The following FAM53B variants were observed in gnomAD, a reference collection of about 807,000 sequenced individuals.
The protein encoded by FAM53B is protein FAM53B.
In FAM53B, 12 loss-of-function variants were observed where a neutral mutation model predicts 32.7. The ratio of observed to expected loss-of-function variants is 0.37; its 90% confidence interval spans 0.24 to 0.59. The LOEUF (loss-of-function observed/expected upper bound fraction) is 0.59, where lower values mean the gene tolerates loss of function less well. FAM53B is among the 20% of genes least tolerant of loss of function. The pLI is 0.72. For missense variants in FAM53B, 477 were observed against 577.7 expected (o/e 0.83, Z 1.79); for synonymous variants, 234 against 228.7 (o/e 1.02, Z -0.21).
chr10:124,669,748 G>A (rs1384961865), intron 4 of FAM53B, among the ~76,000 whole-genome samples: 1 of 152,170 alleles, frequency 6.6e-6, no homozygotes, highest in African/African-American at 2.4e-5. Context: ...GGGCTGTCGG[G>A]GCCAAAGAGT....
In FAM53B at chr10:124,682,331, T is replaced by G. The variant is rs1462610160; in HGVS notation, c.182A>C (p.Asp61Ala). The change falls in exon 4 of 5, where the codon GAC (aspartate) becomes GCC (alanine). Residue 61 changes from aspartate (D) to alanine (A), a missense_variant. Physicochemically the swap from Asp to Ala is moderately radical, Grantham distance 126. Around this residue, in one of 2 missense-constraint regions of FAM53B, gnomAD observed 312 missense variants for 420.2 expected, o/e 0.74. Coordinates refer to ENST00000337318, the MANE Select transcript of FAM53B (RefSeq NM_014661.4). The surrounding 1 kb of genome is among the most constrained non-coding windows in gnomAD (Gnocchi z 5.2). Reference protein sequence around the residue: ...DLDRKCPLQIDQPSTSIWECL... With the variant: ...DLDRKCPLQIAQPSTSIWECL... ...TTCCCAGATGCTGGTGCTCGGTTGG[T>G]CAATCTGAAGAGGGCATTTCCTGTC... 2 of 1,613,438 alleles carry G rather than the reference T, an allele frequency of 1.2e-6. No homozygotes were observed. Among genetic ancestry groups the G allele is most frequent in the Non-Finnish European group, 1.7e-6 (2 of 1,179,858 alleles).
intron 4 of FAM53B, among the ~76,000 whole-genome samples, chr10:124,650,451 G>A (rs1589737779): frequency 6.6e-6 from 1 of 152,222 alleles, no homozygotes; most frequent in Non-Finnish European, 1.5e-5. Flanking sequence ...TGATGATGGT[G>A]ATGACAGCAG....
rs118049805 is a variant in FAM53B at position 124,680,950 on chromosome 10, C to T, written c.906+657G>A. Among the ~76,000 whole-genome samples, 83 of 152,278 alleles carry T rather than the reference C, an allele frequency of 5.5e-4. 2 individuals carry two copies. In the East Asian group the frequency reaches 0.016, roughly 29 times the overall value. On this transcript the variant is annotated intron_variant, in intron 4 of 4. Coordinates refer to ENST00000337318, the MANE Select transcript of FAM53B (RefSeq NM_014661.4). The stretch of plus-strand genomic sequence containing the variant: ...GTATTAACTCCAAGTTCATCTCATT[C>T]AAATCAATATCCAAGATCAGTGTTA...
intron 4 of FAM53B, among the ~76,000 whole-genome samples, chr10:124,636,951 G>A (rs1589732843): frequency 6.6e-6 from 1 of 152,062 alleles, no homozygotes. Context: ...TCTGGGGGGA[G>A]CGAGACTTCT....
chr10:124,656,239 A>G lies in FAM53B; in HGVS notation c.906+25368T>C, dbSNP rs189872727. On this transcript the variant is annotated intron_variant, in intron 4 of 4. Coordinates refer to ENST00000337318, the MANE Select transcript of FAM53B (RefSeq NM_014661.4). ...AACCAAGAGGCGTCTAGGTTTGCTC[A>G]CTTACAGCAGGCACTCCCACTGTGG... 2.7e-3 allele frequency among the ~76,000 whole-genome samples: 413 copies of G among 152,364 alleles called. 1 individual carries two copies. The highest frequency in any genetic ancestry group is 9.5e-3 in the African/African-American group (395 of 41,586).
chr10:124,714,768 A>AAC (rs1950029035), intron 1 of FAM53B, among the ~76,000 whole-genome samples: 1 of 151,912 alleles, frequency 6.6e-6, no homozygotes, highest in Non-Finnish European at 1.5e-5. Context: ...CAAAAAAAAA[A>AAC]AAAAAAAAAA....
intron 4 of FAM53B, among the ~76,000 whole-genome samples, chr10:124,627,840 C>T (rs1949365177): frequency 6.6e-6 from 1 of 152,204 alleles, no homozygotes; most frequent in African/African-American, 2.4e-5. Context: ...CAGCTTGGAG[C>T]AATGACCCCT....
At chr10:124,628,727 G>A (rs1486051179) in intron 4 of FAM53B, among the ~76,000 whole-genome samples, 5 of 152,186 alleles carry the variant, frequency 3.3e-5, no homozygotes, top group Non-Finnish European at 7.4e-5. Flanking sequence ...GGAGATCTAG[G>A]ATAGGAAGGA....
Position 124,623,035 on chromosome 10 carries a change from G to A in FAM53B, c.*207C>T, listed in dbSNP as rs984961853. ...TGGTGGCTGCCACGCTCGGGGAGCC[G>A]GTGAGAGGCTGACACACCCGCTGTA... On this transcript the variant is annotated 3_prime_UTR_variant, in exon 5 of 5. Coordinates refer to ENST00000337318, the MANE Select transcript of FAM53B (RefSeq NM_014661.4). 18 of 595,498 alleles carry A rather than the reference G, an allele frequency of 3.0e-5. No homozygotes were observed. Among genetic ancestry groups the A allele is most frequent in the African/African-American group, 9.5e-5 (5 of 52,614 alleles). 36.9% of individuals were successfully genotyped at this position (595,498 alleles called of 1,614,324 possible). A position where few individuals can be genotyped will look rare whatever the true frequency, so the allele number is the denominator to read the frequency against.
At chr10:124,687,252 G>A (rs978184425) in intron 3 of FAM53B, among the ~76,000 whole-genome samples, 3 of 152,078 alleles carry the variant, frequency 2.0e-5, no homozygotes, top group Admixed American at 6.6e-5. Flanking sequence ...AAAGGGCCTC[G>A]GTAGGCCTCC....
chr10:124,689,616 A>T (rs1467980821), intron 3 of FAM53B, among the ~76,000 whole-genome samples: 2 of 152,234 alleles, frequency 1.3e-5, no homozygotes, highest in Non-Finnish European at 2.9e-5. Context: ...CCAAGGAAGA[A>T]GGCAGGCGGG....
chr10:124,623,035 G>C lies in FAM53B; in HGVS notation c.*207C>G. ...TGGTGGCTGCCACGCTCGGGGAGCCGGTGAGAGGCTGACACACCCGCTGTA... is the reference window on the plus strand; with the variant it reads ...TGGTGGCTGCCACGCTCGGGGAGCCCGTGAGAGGCTGACACACCCGCTGTA... On this transcript the variant is annotated 3_prime_UTR_variant, in exon 5 of 5. Transcript: ENST00000337318. 4 of 595,616 alleles carry C rather than the reference G, an allele frequency of 6.7e-6. No individual in the cohort carries two copies. Among genetic ancestry groups the C allele is most frequent in the Non-Finnish European group, 1.1e-5 (4 of 353,104 alleles). 36.9% of individuals were successfully genotyped at this position (595,616 alleles called of 1,614,324 possible).
chr10:124,671,213 A>G, intron 4 of FAM53B: 1 of 453,690 alleles, frequency 2.2e-6, no homozygotes, highest in Non-Finnish European at 4.5e-6. Context: ...TGCATTTCCA[A>G]CATTCACAGA....
intron 2 of FAM53B, among the ~76,000 whole-genome samples, chr10:124,696,926 C>G (rs978729468): frequency 5.3e-5 from 8 of 152,206 alleles, no homozygotes; most frequent in Non-Finnish European, 7.3e-5. Flanking sequence ...CCCGCCTACC[C>G]TCAACTGAAT....
intron 4 of FAM53B, among the ~76,000 whole-genome samples, chr10:124,679,150 A>G (rs1949753641): frequency 6.6e-6 from 1 of 152,200 alleles, no homozygotes; most frequent in Admixed American, 6.5e-5. Context: ...AGCGGAAGGA[A>G]GCGTGGGCCA....
chr10:124,710,476 G>A (rs970489475), intron 1 of FAM53B, among the ~76,000 whole-genome samples: 5 of 152,228 alleles, frequency 3.3e-5, no homozygotes, highest in Non-Finnish European at 5.9e-5. Context: ...CCTATGACCC[G>A]TGGGCCCTGG....
chr10:124,625,433 T>C lies in FAM53B; in HGVS notation c.907-1829A>G, dbSNP rs538287192. The stretch of plus-strand genomic sequence containing the variant: ...AGCCACAGGTCCACCCTCTGGGCCA[T>C]GGTGGGATTCGATGCAGCCCGGTGG... On this transcript the variant is annotated intron_variant, in intron 4 of 4. Transcript: ENST00000337318. Among the ~76,000 whole-genome samples the C allele has an allele frequency of 2.6e-5, 4 of 152,268 alleles. No homozygotes were observed. In the South Asian group the frequency reaches 8.3e-4, roughly 32 times the overall value.
intron 4 of FAM53B, among the ~76,000 whole-genome samples, chr10:124,642,856 C>G (rs375757182): frequency 1.8e-4 from 28 of 152,328 alleles, no homozygotes; most frequent in African/African-American, 6.5e-4. Flanking sequence ...TCTGGCAGTC[C>G]GGCAAGACTG....
intron 4 of FAM53B, among the ~76,000 whole-genome samples, chr10:124,637,511 C>T (rs1429203798): frequency 6.6e-6 from 1 of 152,188 alleles, no homozygotes; most frequent in Non-Finnish European, 1.5e-5. Context: ...ACCTGTACTG[C>T]TGACCACCCT....
Sources: gnomAD v4.1 joint callset for allele counts (sites outside exome capture counted in the v4.1 genomes callset) on GRCh38, gnomAD v4.1.1 for gene constraint, gnomAD v4.1.1 regional missense constraint, Gnocchi (gnomAD v3.1) non-coding constraint, MANE v1.5 for transcripts, NCBI Gene and HGNC (gene_info 2026-07-23, HGNC 2026-07-21) for gene names.